TXLNB: variants seen among roughly 807,000 people sequenced by gnomAD.
TXLNB encodes the protein taxilin beta.
TXLNB carries 37 observed loss-of-function variants against 57.4 expected under a neutral mutation model. That is an observed-to-expected ratio of 0.64 (90% CI 0.50 to 0.85). TXLNB has a LOEUF of 0.85. Among genes scored for constraint, TXLNB ranks in the 40% least tolerant of loss-of-function variants. The pLI is 0.00. For missense variants in TXLNB, 848 were observed against 825.6 expected (o/e 1.03, Z -0.33); for synonymous variants, 302 against 309.6 (o/e 0.98, Z 0.26).
At chr6:139,231,030 T>C in the TXLNB span, among the ~76,000 whole-genome samples, 1 of 152,112 alleles carries the variant, frequency 6.6e-6, no homozygotes, top group Non-Finnish European at 1.5e-5. Context: ...TAGAACTACA[T>C]ACATACAATG....
intron 6 of TXLNB, among the ~76,000 whole-genome samples, chr6:139,257,738 C>T (rs1458556930): frequency 3.9e-5 from 6 of 152,098 alleles, no homozygotes; most frequent in South Asian, 2.1e-4. Context: ...AAAAAGTCCA[C>T]GAGGTCTATG....
At chr6:139,255,420 A>C in intron 7 of TXLNB, 144 bp downstream of exon 7, 1 of 713,196 alleles carries the variant, frequency 1.4e-6, no homozygotes, top group East Asian at 2.8e-5. Context: ...AATATGAATA[A>C]ATGTGAAGTT....
intron 6 of TXLNB, among the ~76,000 whole-genome samples, chr6:139,258,362 A>G (rs113494166): frequency 1.1e-3 from 173 of 152,266 alleles, no homozygotes; most frequent in African/African-American, 4.0e-3. Context: ...CCAATATACT[A>G]TGGGAAGCAT....
chr6:139,209,990 C>T, the TXLNB span, among the ~76,000 whole-genome samples: 2 of 152,006 alleles, frequency 1.3e-5, no homozygotes, highest in Non-Finnish European at 2.9e-5. Context: ...TATCCAGAAT[C>T]TACAAGGAAC....
the TXLNB span, among the ~76,000 whole-genome samples, chr6:139,200,416 T>C: frequency 6.6e-6 from 1 of 152,168 alleles, no homozygotes; most frequent in African/African-American, 2.4e-5. Flanking sequence ...GACCATGCCT[T>C]ATGTAGCGTG....
chr6:139,301,782 C>T, the TXLNB span, among the ~76,000 whole-genome samples: 4 of 152,226 alleles, frequency 2.6e-5, no homozygotes, highest in East Asian at 1.9e-4. Flanking sequence ...AACTAATCCC[C>T]ACCCCCCTGA....
the TXLNB span, chr6:139,197,650 G>T: frequency 2.6e-5 from 4 of 152,324 alleles, no homozygotes; most frequent in East Asian, 7.7e-4. Context: ...CAGATGTTAG[G>T]TTATTAAGTC....
the TXLNB span, among the ~76,000 whole-genome samples, chr6:139,297,293 A>G: frequency 1.3e-5 from 2 of 152,166 alleles, no homozygotes; most frequent in South Asian, 2.1e-4. Flanking sequence ...GATTTTTACC[A>G]TAAAGATGTG....
the TXLNB span, chr6:139,167,392 G>A: frequency 7.8e-7 from 1 of 1,288,810 alleles, no homozygotes. Flanking sequence ...AAGACAGATT[G>A]CTCTATTTTG....
At chr6:139,187,600 C>T in the TXLNB span, among the ~76,000 whole-genome samples, 18 of 152,182 alleles carry the variant, frequency 1.2e-4, no homozygotes, top group African/African-American at 4.3e-4. Context: ...GTAACTGTGG[C>T]ATAAGCAAGT....
chr6:139,169,695 C>T, the TXLNB span: 2 of 152,194 alleles, frequency 1.3e-5, no homozygotes, highest in Non-Finnish European at 2.9e-5. Flanking sequence ...AGTCTTTCAT[C>T]TTCCAGTAGG....
At chr6:139,187,561 T>A in the TXLNB span, among the ~76,000 whole-genome samples, 55 of 152,330 alleles carry the variant, frequency 3.6e-4, no homozygotes, top group Middle Eastern at 3.4e-3. Flanking sequence ...TGCACTTTTT[T>A]ATTAAATTAC....
At chr6:139,313,914 G>T in the TXLNB span, among the ~76,000 whole-genome samples, 1 of 152,132 alleles carries the variant, frequency 6.6e-6, no homozygotes, top group Non-Finnish European at 1.5e-5. Context: ...GTCCAGGCCT[G>T]CCTCTTTCTG....
the TXLNB span, chr6:139,201,904 G>A: frequency 7.9e-5 from 12 of 152,222 alleles, no homozygotes; most frequent in African/African-American, 1.7e-4. Flanking sequence ...TGAAAACACC[G>A]GGGAAAATTA....
At chr6:139,192,985 A>C in the TXLNB span, among the ~76,000 whole-genome samples, 8 of 139,806 alleles carry the variant, frequency 5.7e-5, no homozygotes, top group East Asian at 5.8e-4. Context: ...CAAAAAAAAA[A>C]AACAACAAAA....
the TXLNB span, among the ~76,000 whole-genome samples, chr6:139,200,954 A>G: frequency 2.0e-5 from 3 of 152,070 alleles, no homozygotes; most frequent in Non-Finnish European, 4.4e-5. Flanking sequence ...TCCAGTCTCA[A>G]TAGATCTACA....
the TXLNB span, among the ~76,000 whole-genome samples, chr6:139,161,873 T>C: frequency 2.1e-4 from 32 of 152,304 alleles, no homozygotes; most frequent in South Asian, 6.2e-3. Flanking sequence ...CCAATTAACA[T>C]TTTAAAGGCC....
the TXLNB span, chr6:139,197,852 A>T: frequency 6.6e-6 from 1 of 152,140 alleles, no homozygotes; most frequent in African/African-American, 2.4e-5. Flanking sequence ...TCTGGAGGGG[A>T]GGAAGGCTGG....
intron 1 of TXLNB, among the ~76,000 whole-genome samples, chr6:139,289,293 G>T (rs1311582826): frequency 2.0e-5 from 3 of 151,932 alleles, no homozygotes; most frequent in Non-Finnish European, 4.4e-5. Flanking sequence ...GTTTTGTTTC[G>T]ATCTAATTAC....
Sources: gnomAD v4.1 joint callset for allele counts (sites outside exome capture counted in the v4.1 genomes callset) on GRCh38, gnomAD v4.1.1 for gene constraint, MANE v1.5 for transcripts, NCBI Gene and HGNC (gene_info 2026-07-23, HGNC 2026-07-21) for gene names.